MORC2: variants seen among roughly 807,000 people sequenced by gnomAD.
MORC2 encodes the protein ATPase MORC2.
In MORC2, 30 loss-of-function variants were observed where a neutral mutation model predicts 136.0. The ratio of observed to expected loss-of-function variants is 0.22; its 90% CI spans 0.17 to 0.30. The LOEUF is 0.30. MORC2 is among the 10% of genes least tolerant of loss of function. The pLI, the probability that MORC2 is intolerant of heterozygous loss-of-function variation, is 1.00. For synonymous variants in MORC2, 439 were observed against 487.0 expected, an observed-to-expected ratio of 0.90 and a Z score of 1.30; for missense variants, 922 against 1,333.1, an observed-to-expected ratio of 0.69 and a Z score of 4.80.
In MORC2 at chr22:30,950,365, C is replaced by T. The variant is rs2147286507; in HGVS notation, c.226+12G>A. The stretch of plus-strand genomic sequence containing the variant: ...CCCCCCCACCCCCCAAAACAATAAT[C>T]TCATCACTTACTTGGATCCATTCCT... On this transcript the variant is annotated intron_variant, in intron 4 of 25. Coordinates refer to ENST00000397641, the MANE Select transcript of MORC2 (RefSeq NM_001303256.3). 1.3e-6 allele frequency: 1 copy of T among 775,674 alleles called. No individual in the cohort carries two copies. Among genetic ancestry groups the T allele is most frequent in the Middle Eastern group, 2.5e-4 (1 of 3,922 alleles). 48.0% of individuals were successfully genotyped at this position (775,674 alleles called of 1,614,324 possible).
intron 11 of MORC2, 72 bp from the exon 12 acceptor site, chr22:30,939,778 C>T: frequency 6.8e-7 from 1 of 1,460,446 alleles, no homozygotes; most frequent in Non-Finnish European, 9.4e-7. Flanking sequence ...AACATTACAT[C>T]TAAGACATCT....
In MORC2 at chr22:30,949,858, C is replaced by T. The variant is rs1412400934; in HGVS notation, c.227-16G>A. On this transcript the variant is annotated splice_polypyrimidine_tract_variant and intron_variant, in intron 4 of 25. Coordinates refer to ENST00000397641, the MANE Select transcript of MORC2 (RefSeq NM_001303256.3). Reference sequence around the variant, plus strand: ...GCAGCATCACCTGAAAGGGCAGACACAAGAGAAAGTGAAAAGTTTGCATTT... The same window carrying T: ...GCAGCATCACCTGAAAGGGCAGACATAAGAGAAAGTGAAAAGTTTGCATTT... The T allele has an allele frequency of 1.9e-6, 3 of 1,612,734 alleles. No individual in the cohort carries two copies. Among genetic ancestry groups the T allele is most frequent in the Non-Finnish European group, 1.7e-6 (2 of 1,178,952 alleles).
rs1484707423 is a variant in MORC2 at position 30,968,047 on chromosome 22, G to A, written c.-158C>T. 3.1e-5 allele frequency: 18 copies of A among 581,270 alleles called. No homozygotes were observed. Among genetic ancestry groups the A allele is most frequent in the Non-Finnish European group, 5.2e-5 (17 of 328,250 alleles). 36.0% of individuals were successfully genotyped at this position (581,270 alleles called of 1,614,324 possible). ...AGTAGCTATCCAAAATATATGCAGAGATGTTTAAAACTACAATTTCTTCAA... is the reference window on the plus strand; with the variant it reads ...AGTAGCTATCCAAAATATATGCAGAAATGTTTAAAACTACAATTTCTTCAA... On this transcript the variant is annotated 5_prime_UTR_variant, in exon 1 of 26. Coordinates refer to ENST00000397641, the MANE Select transcript of MORC2 (RefSeq NM_001303256.3).
chr22:30,932,865 G>A lies in MORC2; in HGVS notation c.2522+24C>T. On this transcript the variant is annotated intron_variant, in intron 22 of 25. Transcript: ENST00000397641. This position sits in a 1 kb window ranked among gnomAD's most constrained non-coding sequence, Gnocchi z 4.4. ...GGGATACCTCCTTCGAGGAACCACT[G>A]CTCCTCCCTGATTGGGGCATTACCA... 6.2e-7 allele frequency: 1 copy of A among 1,614,098 alleles called. No homozygotes were observed. The highest frequency in any genetic ancestry group is 1.1e-5 in the South Asian group (1 of 91,080).
intron 1 of MORC2, 55 bp downstream of exon 1, chr22:30,967,767 A>T: frequency 6.5e-7 from 1 of 1,547,850 alleles, no homozygotes; most frequent in Non-Finnish European, 8.7e-7. Flanking sequence ...CGATTTCCAT[A>T]TAATATCAAG....
intron 6 of MORC2, 59 bp downstream of exon 6, chr22:30,946,282 C>T (rs572816237): frequency 4.3e-5 from 60 of 1,407,728 alleles, no homozygotes; most frequent in African/African-American, 1.1e-4. Flanking sequence ...CTACGAAAAC[C>T]GCCTGGGCAG....
At chr22:30,940,397 C>T (rs532693058) in intron 10 of MORC2, among the ~76,000 whole-genome samples, 48 of 151,972 alleles carry the variant, frequency 3.2e-4, no homozygotes, top group Non-Finnish European at 5.7e-4. Context: ...AGCCGAGAAA[C>T]CCTGAGAAAC....
chr22:30,950,352 C>CCA, intron 4 of MORC2, 25 bp downstream of exon 4: 2 of 1,449,950 alleles, frequency 1.4e-6, no homozygotes, highest in Non-Finnish European at 1.9e-6. Flanking sequence ...CCCCCACCCC[C>CCA]CAAAACAATA....
At chr22:30,928,318 G>A (rs2040521744) in intron 24 of MORC2, 111 bp from the exon 25 acceptor site, 1 of 1,024,196 alleles carries the variant, frequency 9.8e-7, no homozygotes, top group Non-Finnish European at 1.5e-6. Context: ...TGCCTGGTCT[G>A]AAGGAACATC....
chr22:30,967,009 G>A, intron 1 of MORC2: 1 of 820,740 alleles, frequency 1.2e-6, no homozygotes, highest in Non-Finnish European at 1.5e-6. Context: ...TCAGAGACTG[G>A]ACCATTCATG....
In MORC2 at chr22:30,937,495, G is replaced by A. The variant is rs1009891382; in HGVS notation, c.1498+88C>T. 2.6e-6 allele frequency: 4 copies of A among 1,545,930 alleles called. No homozygotes were observed. The Admixed American group carries it at 7.6e-5, about 29-fold the overall frequency. On this transcript the variant is annotated intron_variant, in intron 15 of 25. Coordinates refer to ENST00000397641, the MANE Select transcript of MORC2 (RefSeq NM_001303256.3). The surrounding 1 kb of genome is among the most constrained non-coding windows in gnomAD (Gnocchi z 4.7). ...GGGGACTGTAAGTCCATGAATGTCA[G>A]TCAAGTTAGGAGGCTGGCAGGAAGA...
At chr22:30,953,087 T>A (rs900582660) in intron 3 of MORC2, among the ~76,000 whole-genome samples, 2 of 152,194 alleles carry the variant, frequency 1.3e-5, no homozygotes, top group Non-Finnish European at 2.9e-5. Flanking sequence ...AGCACTAAAC[T>A]AGAGCAAGCA....
intron 2 of MORC2, among the ~76,000 whole-genome samples, chr22:30,958,244 T>C (rs2147307553): frequency 6.6e-6 from 1 of 152,320 alleles, no homozygotes; most frequent in Non-Finnish European, 1.5e-5. Flanking sequence ...AACTTTGGCA[T>C]AGTTTTAAAG....
In MORC2 at chr22:30,941,442, T is replaced by A. The variant is rs987083509; in HGVS notation, c.815A>T (p.Tyr272Phe). The stretch of plus-strand genomic sequence containing the variant: ...GGGCACTGGCCCCTACCTGGGCTTG[T>A]ACAGGCAGCAGGAGAGCCTCTTGGT... ...VQTKRLSCCLYKPRMYKYTSS... is the reference protein window; with the variant it reads ...VQTKRLSCCLFKPRMYKYTSS... The change falls in exon 9 of 26, where the codon TAC (tyrosine) becomes TTC (phenylalanine). Residue 272 changes from tyrosine (Y) to phenylalanine (F), a missense_variant. Around this residue, in one of 9 missense-constraint regions of MORC2, gnomAD observed 261 missense variants for 354.3 expected, o/e 0.74. Transcript: ENST00000397641. This position sits in a 1 kb window ranked among gnomAD's most constrained non-coding sequence, Gnocchi z 4.6. 1.9e-6 allele frequency: 3 copies of A among 1,613,814 alleles called. No individual in the cohort carries two copies. In the Admixed American group the frequency reaches 5.0e-5, roughly 27 times the overall value.
chr22:30,948,517 T>C lies in MORC2; in HGVS notation c.317+1235A>G, dbSNP rs1461977730. ...AGAAACCAGGCTCTCACAGCAATGA[T>C]AGCATGTAATTCTTAACCTACTTGG... is the stretch of plus-strand genomic sequence containing the variant. On this transcript the variant is annotated intron_variant, in intron 5 of 25. Coordinates refer to ENST00000397641, the MANE Select transcript of MORC2 (RefSeq NM_001303256.3). Among the ~76,000 whole-genome samples, 3 of 152,362 alleles carry C rather than the reference T, an allele frequency of 2.0e-5. No individual in the cohort carries two copies. In the East Asian group the frequency reaches 5.8e-4, roughly 29 times the overall value.
In MORC2 at chr22:30,936,531, C is replaced by T. The variant is rs780749674; in HGVS notation, c.1717G>A (p.Glu573Lys). 1 of 1,614,206 alleles carries T rather than the reference C, an allele frequency of 6.2e-7. No homozygotes were observed. Among genetic ancestry groups the T allele is most frequent in the Non-Finnish European group, 8.5e-7 (1 of 1,180,030 alleles). Residue 573 changes from glutamate (E) to lysine (K), a missense_variant, in exon 17 of 26, where the codon GAG (glutamate) becomes AAG (lysine). Around this residue, in one of 9 missense-constraint regions of MORC2, gnomAD observed 119 missense variants for 202.7 expected, o/e 0.59. Coordinates refer to ENST00000397641, the MANE Select transcript of MORC2 (RefSeq NM_001303256.3). ...QLTEKIRQQQ[E>K]KLEALQKTTP... The stretch of plus-strand genomic sequence containing the variant: ...CGTACCTGAAGGGCCTCCAGCTTCT[C>T]CTGCTGCTGGCGAATTTTCTCTGTC...
chr22:30,926,696 G>T lies in MORC2; in HGVS notation c.*107C>A, dbSNP rs2040488952. On this transcript the variant is annotated 3_prime_UTR_variant, in exon 26 of 26. Transcript: ENST00000397641. ...TCCTCCAAAAACACAAATGTCCCGT[G>T]TAAGTCAAACCAAGGTGCGACCACC... 1 of 720,570 alleles carries T rather than the reference G, an allele frequency of 1.4e-6. No individual in the cohort carries two copies. Among genetic ancestry groups the T allele is most frequent in the East Asian group, 2.7e-5 (1 of 37,236 alleles). The allele number at this position is 720,570 out of a possible 1,614,324, so 44.6% of individuals were successfully genotyped here. A position where few individuals can be genotyped will look rare whatever the true frequency, so the allele number is the denominator to read the frequency against.
rs1390155636 is a variant in MORC2 at position 30,939,706 on chromosome 22, C to A, written c.988G>T (p.Val330Leu). 1.9e-6 allele frequency: 3 copies of A among 1,613,714 alleles called. No individual in the cohort carries two copies. Among genetic ancestry groups the A allele is most frequent in the African/African-American group, 2.7e-5 (2 of 74,914 alleles). The change falls in exon 12 of 26, where the codon GTG (valine) becomes TTG (leucine). Residue 330 changes from valine (V) to leucine (L), a missense_variant and splice_region_variant. Coordinates refer to ENST00000397641, the MANE Select transcript of MORC2 (RefSeq NM_001303256.3). The part of the protein sequence containing the change: ...LGGDLTRDSR[V>L]MLRQVQNRAI... ...CTGTTCTGGACCTGTCGCAACATCA[C>A]CTGCACACATTGACATCAGGTGAGG...
chr22:30,962,205 C>T (rs2041057188), intron 1 of MORC2, among the ~76,000 whole-genome samples: 1 of 147,272 alleles, frequency 6.8e-6, no homozygotes, highest in African/African-American at 2.5e-5. Context: ...AAAACTCCAC[C>T]TCAAAAAAAA....
Sources: allele counts gnomAD v4.1 joint callset (sites outside exome capture counted in the v4.1 genomes callset), GRCh38; gene constraint gnomAD v4.1.1; regional missense constraint gnomAD v4.1.1; non-coding constraint Gnocchi (gnomAD v3.1); transcripts MANE v1.5; gene names NCBI Gene and HGNC (gene_info 2026-07-23, HGNC 2026-07-21).